The following C1QTNF3 variants were observed in gnomAD, a reference collection of about 807,000 sequenced individuals.
C1QTNF3 encodes complement C1q tumor necrosis factor-related protein 3.
C1QTNF3 carries 26 observed loss-of-function variants against 32.6 expected under a neutral mutation model. The observed-to-expected ratio is 0.80, with a 90% CI of 0.58 to 1.11. The LOEUF is 1.11. C1QTNF3 is among the 50% of genes least tolerant of loss of function. The probability of loss-of-function intolerance (pLI) is 0.00; values close to 1 mark genes in which losing one functional copy is unlikely to be tolerated. For missense variants in C1QTNF3, 362 were observed against 398.2 expected (o/e 0.91, Z 0.77); for synonymous variants, 155 against 146.0 (o/e 1.06, Z -0.44).
the C1QTNF3 span, among the ~76,000 whole-genome samples, chr5:34,240,954 T>C: frequency 6.6e-6 from 1 of 152,124 alleles, no homozygotes; most frequent in East Asian, 1.9e-4. Flanking sequence ...CTGGGATGCA[T>C]GGCTGGTTCA....
chr5:34,210,668 TC>T, the C1QTNF3 span, among the ~76,000 whole-genome samples: 1 of 152,084 alleles, frequency 6.6e-6, no homozygotes, highest in African/African-American at 2.4e-5. Context: ...ACAGACATTA[TC>T]ATTTTTAATC....
chr5:34,208,054 T>G, the C1QTNF3 span, among the ~76,000 whole-genome samples: 45 of 152,278 alleles, frequency 3.0e-4, no homozygotes, highest in South Asian at 3.7e-3. Flanking sequence ...CCTCCCAAAG[T>G]GCTGGGATTA....
chr5:34,055,314 G>A, the C1QTNF3 span, among the ~76,000 whole-genome samples: 6 of 152,168 alleles, frequency 3.9e-5, no homozygotes, highest in Non-Finnish European at 4.4e-5. Flanking sequence ...GAAAGAAGGG[G>A]AAAACTCCAA....
chr5:34,050,704 A>C, the C1QTNF3 span, among the ~76,000 whole-genome samples: 3 of 152,314 alleles, frequency 2.0e-5, no homozygotes, highest in South Asian at 6.2e-4. Context: ...ATGACATATA[A>C]GTTCTGGCTT....
the C1QTNF3 span, among the ~76,000 whole-genome samples, chr5:34,220,931 G>C: frequency 6.6e-6 from 1 of 152,040 alleles, no homozygotes; most frequent in Non-Finnish European, 1.5e-5. Flanking sequence ...ATTCATGTTT[G>C]CATGTCCAGT....
chr5:34,210,968 G>C, the C1QTNF3 span, among the ~76,000 whole-genome samples: 1 of 151,756 alleles, frequency 6.6e-6, no homozygotes, highest in East Asian at 1.9e-4. Flanking sequence ...ATATGATTTG[G>C]ATTAAAATAA....
the C1QTNF3 span, among the ~76,000 whole-genome samples, chr5:34,156,430 A>G: frequency 6.6e-6 from 1 of 152,224 alleles, no homozygotes; most frequent in South Asian, 2.1e-4. Context: ...TAGTATTTAT[A>G]CTGTGATTAT....
chr5:34,220,255 T>C, the C1QTNF3 span, among the ~76,000 whole-genome samples: 2 of 152,058 alleles, frequency 1.3e-5, no homozygotes, highest in Non-Finnish European at 2.9e-5. Context: ...TCTAAGGTAA[T>C]AAGTAGATTT....
the C1QTNF3 span, among the ~76,000 whole-genome samples, chr5:34,240,681 T>C: frequency 6.6e-6 from 1 of 152,168 alleles, no homozygotes; most frequent in African/African-American, 2.4e-5. Context: ...AGCAAAATTC[T>C]ACCGGAAGTA....
chr5:34,174,749 C>G, the C1QTNF3 span, among the ~76,000 whole-genome samples: 2 of 151,952 alleles, frequency 1.3e-5, no homozygotes, highest in Non-Finnish European at 2.9e-5. Flanking sequence ...CTTTGAAGAC[C>G]CTTTTTTTTT....
chr5:34,159,488 C>T, the C1QTNF3 span, among the ~76,000 whole-genome samples: 1 of 152,088 alleles, frequency 6.6e-6, no homozygotes, highest in East Asian at 1.9e-4. Context: ...CAAGGTTGTA[C>T]AATTAATTCT....
chr5:34,211,904 T>C, the C1QTNF3 span, among the ~76,000 whole-genome samples: 1 of 152,144 alleles, frequency 6.6e-6, no homozygotes, highest in African/African-American at 2.4e-5. Context: ...AAATAACTAC[T>C]TTAAAGTTCA....
At chr5:34,163,622 G>C in the C1QTNF3 span, among the ~76,000 whole-genome samples, 1 of 151,860 alleles carries the variant, frequency 6.6e-6, no homozygotes, top group Non-Finnish European at 1.5e-5. Flanking sequence ...AAAGGCTATG[G>C]GTAAAAAGGA....
the C1QTNF3 span, among the ~76,000 whole-genome samples, chr5:34,071,128 C>T: frequency 6.6e-6 from 1 of 152,140 alleles, no homozygotes; most frequent in South Asian, 2.1e-4. Context: ...CACTAATTGC[C>T]GGTAAACCAA....
At chr5:34,140,483 A>G in the C1QTNF3 span, among the ~76,000 whole-genome samples, 1 of 152,258 alleles carries the variant, frequency 6.6e-6, no homozygotes, top group East Asian at 1.9e-4. Flanking sequence ...CATTAAGAAT[A>G]AAACTTGTTA....
In C1QTNF3 at chr5:34,042,996, G is replaced by T. The variant is rs760151163; in HGVS notation, c.130C>A (p.His44Asn). Residue 44 changes from histidine (H) to asparagine (N), a missense_variant, in exon 1 of 6, where the codon CAC becomes AAC. Transcript: ENST00000382065. ...GAGCCGCTACGGCCAGTCTGCTGGT[G>T]GCTTTGCACTATTCTTGCCACCACT... is the stretch of plus-strand genomic sequence containing the variant. ...NKVVARIVQSHQQTGRSGSRR... is the reference protein window; with the variant it reads ...NKVVARIVQSNQQTGRSGSRR... 1.2e-6 allele frequency: 2 copies of T among 1,614,164 alleles called. No individual in the cohort carries two copies. The highest frequency in any genetic ancestry group is 1.7e-6 in the Non-Finnish European group (2 of 1,180,028).
chr5:34,206,822 G>A, the C1QTNF3 span, among the ~76,000 whole-genome samples: 1 of 151,694 alleles, frequency 6.6e-6, no homozygotes, highest in Non-Finnish European at 1.5e-5. Context: ...CATACAGTAA[G>A]ATACAGTACT....
chr5:34,226,255 T>G, the C1QTNF3 span, among the ~76,000 whole-genome samples: 1 of 151,886 alleles, frequency 6.6e-6, no homozygotes, highest in South Asian at 2.1e-4. Context: ...ATCCCATTAA[T>G]TTGTTATTTT....
At chr5:34,140,290 C>CT in the C1QTNF3 span, among the ~76,000 whole-genome samples, 1 of 152,196 alleles carries the variant, frequency 6.6e-6, no homozygotes, top group African/African-American at 2.4e-5. Context: ...TGCTTCCAGT[C>CT]TGAGCCAGCT....
Sources: gnomAD v4.1 joint callset for allele counts (sites outside exome capture counted in the v4.1 genomes callset) on GRCh38, gnomAD v4.1.1 for gene constraint, MANE v1.5 for transcripts, NCBI Gene and HGNC (gene_info 2026-07-23, HGNC 2026-07-21) for gene names.